The following PGLYRP4 variants were observed in gnomAD, a reference collection of about 807,000 sequenced individuals.
The protein encoded by PGLYRP4 is peptidoglycan recognition protein 4, also known as PGRP-I-beta.
Under a neutral mutation model 41.2 loss-of-function variants are expected in PGLYRP4, and 39 were observed. That is an observed-to-expected ratio of 0.95 (90% CI 0.73 to 1.24). The LOEUF (loss-of-function observed/expected upper bound fraction) is 1.24, where lower values mean the gene tolerates loss of function less well. PGLYRP4 is among the 50% of genes most tolerant of loss of function. The pLI is 0.00. For synonymous variants in PGLYRP4, 202 were observed against 186.8 expected, an observed-to-expected ratio of 1.08 and a Z score of -0.66; for missense variants, 467 against 460.7, an observed-to-expected ratio of 1.01 and a Z score of -0.13.
Position 153,345,301 on chromosome 1 carries a change from G to T in PGLYRP4, c.221C>A (p.Thr74Lys), listed in dbSNP as rs201083169. ...GTGTATAACAAGGACATTCACTGGC[G>T]TGGTCAGCTGAATACTGCAGCCAAC... The part of the protein sequence containing the change: ...EAVGCSIQLT[T>K]PVNVLVIHHV... Residue 74 changes from threonine (T) to lysine (K), a missense_variant, in exon 4 of 9, where the codon ACG becomes AAG. Transcript: ENST00000359650. The T allele has an allele frequency of 1.2e-6, 2 of 1,614,144 alleles. No homozygotes were observed. The highest frequency in any genetic ancestry group is 1.7e-6 in the Non-Finnish European group (2 of 1,179,990).
At position 153,330,874 on chromosome 1, in the gene PGLYRP4, G is replaced by A. The variant is rs144710000; in HGVS notation, c.1015C>T (p.Leu339=). 1.7e-5 allele frequency: 27 copies of A among 1,613,930 alleles called. No individual in the cohort carries two copies. Among genetic ancestry groups the A allele is most frequent in the Non-Finnish European group, 2.3e-5 (27 of 1,179,956 alleles). Residue 339 remains leucine, a synonymous_variant, in exon 9 of 9, where the codon CTG becomes TTG. Coordinates refer to ENST00000359650, the MANE Select transcript of PGLYRP4 (RefSeq NM_020393.4). Reference sequence around the variant, plus strand: ...CCCACCAGCAGGTAGTTGGGAGTCAGGTACCCTTTGACCATGGCACACTGG... The same window carrying A: ...CCCACCAGCAGGTAGTTGGGAGTCAAGTACCCTTTGACCATGGCACACTGG... The part of the protein sequence containing the change: ...LIQCAMVKGY[L]TPNYLLVGHS...
Position 153,330,872 on chromosome 1 carries a change from C to G in PGLYRP4, c.1017G>C (p.Leu339=). The change falls in exon 9 of 9, where the codon CTG becomes CTC. Residue 339 remains leucine, a synonymous_variant. Coordinates refer to ENST00000359650, the MANE Select transcript of PGLYRP4 (RefSeq NM_020393.4). ...GGCCCACCAGCAGGTAGTTGGGAGT[C>G]AGGTACCCTTTGACCATGGCACACT... The part of the protein sequence containing the change: ...LIQCAMVKGY[L]TPNYLLVGHS... 6.2e-7 allele frequency: 1 copy of G among 1,614,074 alleles called. No individual in the cohort carries two copies.
intron 4 of PGLYRP4, among the ~76,000 whole-genome samples, chr1:153,343,603 C>T (rs1197490854): frequency 6.6e-6 from 1 of 152,142 alleles, no homozygotes; most frequent in Non-Finnish European, 1.5e-5. Context: ...CAGAGCTGTT[C>T]ATTTGATTTC....
intron 8 of PGLYRP4, among the ~76,000 whole-genome samples, chr1:153,332,708 A>G (rs1660388596): frequency 6.6e-6 from 1 of 152,198 alleles, no homozygotes; most frequent in African/African-American, 2.4e-5. Context: ...GAAGAAAACT[A>G]GAAATCAATA....
At chr1:153,331,370 G>A (rs550111889) in intron 8 of PGLYRP4, among the ~76,000 whole-genome samples, 2 of 152,004 alleles carry the variant, frequency 1.3e-5, no homozygotes, top group Non-Finnish European at 2.9e-5. Context: ...TGAATTATCT[G>A]AGCCAAAATA....
intron 5 of PGLYRP4, 144 bp from the exon 6 acceptor site, chr1:153,341,923 C>T: frequency 1.4e-6 from 1 of 709,144 alleles, no homozygotes; most frequent in South Asian, 2.1e-5. Context: ...GTTGGAGAGG[C>T]TGAGAATTAA....
intron 2 of PGLYRP4, among the ~76,000 whole-genome samples, chr1:153,347,037 A>G (rs1661038173): frequency 6.6e-6 from 1 of 152,018 alleles, no homozygotes; most frequent in Non-Finnish European, 1.5e-5. Flanking sequence ...CTTAAGAGAG[A>G]GTAGGTTTTG....
chr1:153,344,234 G>A (rs1024895975), intron 4 of PGLYRP4, among the ~76,000 whole-genome samples: 17 of 152,136 alleles, frequency 1.1e-4, no homozygotes, highest in Admixed American at 2.6e-4. Flanking sequence ...CTCGACTGTC[G>A]AGCCACCTTT....
At chr1:153,338,654 G>A (rs1270201454) in intron 7 of PGLYRP4, among the ~76,000 whole-genome samples, 1 of 152,058 alleles carries the variant, frequency 6.6e-6, no homozygotes, top group African/African-American at 2.4e-5. Flanking sequence ...GCTCCCCACA[G>A]GCGCCTCTCT....
At chr1:153,340,637 C>T in intron 6 of PGLYRP4, 58 bp from the exon 7 acceptor site, 2 of 1,547,644 alleles carry the variant, frequency 1.3e-6, no homozygotes, top group Non-Finnish European at 1.8e-6. Flanking sequence ...CCAGCCACTT[C>T]TCCACCGTAG....
chr1:153,342,963 G>A (rs1016003223), intron 5 of PGLYRP4, 127 bp downstream of exon 5: 2 of 580,158 alleles, frequency 3.4e-6, no homozygotes, highest in Non-Finnish European at 6.2e-6. Flanking sequence ...CCAAGAGAGA[G>A]TGGGTCTTCA....
At chr1:153,338,836 GTGTCCC>G (rs1660675775) in intron 7 of PGLYRP4, among the ~76,000 whole-genome samples, 1 of 152,154 alleles carries the variant, frequency 6.6e-6, no homozygotes, top group Admixed American at 6.5e-5. Flanking sequence ...TACCCTCCAT[GTGTCCC>G]CTATAATAAT....
Position 153,345,401 on chromosome 1 carries a change from C to A in PGLYRP4, c.140-19G>T. ...GGAAGGCCTTGGGGACGTCACTCAG[C>A]GCACCTGCCCCATCACTACCGCATT... On this transcript the variant is annotated intron_variant, in intron 3 of 8. Coordinates refer to ENST00000359650, the MANE Select transcript of PGLYRP4 (RefSeq NM_020393.4). The A allele has an allele frequency of 6.2e-7, 1 of 1,604,024 alleles. No homozygotes were observed. Among genetic ancestry groups the A allele is most frequent in the Non-Finnish European group, 8.5e-7 (1 of 1,170,992 alleles).
intron 4 of PGLYRP4, among the ~76,000 whole-genome samples, chr1:153,343,831 C>T (rs1051442675): frequency 4.6e-5 from 7 of 152,090 alleles, no homozygotes; most frequent in African/African-American, 1.7e-4. Flanking sequence ...AAAGAGCAGA[C>T]AGTAAAACAC....
Position 153,340,394 on chromosome 1 carries a change from C to A in PGLYRP4, c.811G>T (p.Asp271Tyr), listed in dbSNP as rs148847664. 19 of 1,613,942 alleles carry A rather than the reference C, an allele frequency of 1.2e-5. No individual in the cohort carries two copies. The Admixed American group carries it at 2.8e-4, about 24-fold the overall frequency. The change falls in exon 7 of 9, where the codon GAC becomes TAC. Residue 271 changes from aspartate (D) to tyrosine (Y), a missense_variant. By Grantham distance (160) the Asp-to-Tyr change is radical. Coordinates refer to ENST00000359650, the MANE Select transcript of PGLYRP4 (RefSeq NM_020393.4). Reference sequence around the variant, plus strand: ...AGACCCACTCACTTATAACCAATGTCGCATGACTTGAGCCTGTCTATGTAG... The same window carrying A: ...AGACCCACTCACTTATAACCAATGTAGCATGACTTGAGCCTGTCTATGTAG... ...SFYIDRLKSC[D>Y]IGYNFLVGQD...
rs747868956 is a variant in PGLYRP4, at chr1:153,330,749, A to T, written c.*18T>A. 1.2e-6 allele frequency: 2 copies of T among 1,606,372 alleles called. No homozygotes were observed. Among genetic ancestry groups the T allele is most frequent in the Non-Finnish European group, 1.7e-6 (2 of 1,174,248 alleles). On this transcript the variant is annotated 3_prime_UTR_variant, in exon 9 of 9. Coordinates refer to ENST00000359650, the MANE Select transcript of PGLYRP4 (RefSeq NM_020393.4). ...GACAGGGGAGGGAAAGCAGTCTCAG[A>T]AGGACCTGGGGCTTCTCTCAGTGTT...
At chr1:153,333,390 T>C (rs532365185) in intron 8 of PGLYRP4, among the ~76,000 whole-genome samples, 19 of 152,266 alleles carry the variant, frequency 1.2e-4, no homozygotes, top group South Asian at 6.2e-4. Context: ...AAATCATTAA[T>C]AGACCAATAA....
rs747640545 is a variant in PGLYRP4, at chr1:153,341,685, T to A, written c.567A>T (p.Pro189=). ...KGHLSSSYVQ[P]LLGKGENCLA... ...GGCAGTTCTCGCCTTTCCCAAGAAG[T>A]GGCTGAACATAACTGGATGACAGGT... The change falls in exon 6 of 9, where the codon CCA becomes CCT. Residue 189 remains proline, a synonymous_variant. Coordinates refer to ENST00000359650, the MANE Select transcript of PGLYRP4 (RefSeq NM_020393.4). The A allele has an allele frequency of 1.9e-6, 3 of 1,613,722 alleles. No individual in the cohort carries two copies. The African/African-American group carries it at 4.0e-5, about 22-fold the overall frequency.
chr1:153,343,035 CT>C (rs1660861671), intron 5 of PGLYRP4, 54 bp downstream of exon 5: 1 of 1,123,888 alleles, frequency 8.9e-7, no homozygotes. Context: ...GAAGTGGCCC[CT>C]GAGACAAAGG....
Sources: gnomAD v4.1 joint callset for allele counts (sites outside exome capture counted in the v4.1 genomes callset) on GRCh38, gnomAD v4.1.1 for gene constraint, MANE v1.5 for transcripts, NCBI Gene and HGNC (gene_info 2026-07-23, HGNC 2026-07-21) for gene names.